Variants in IRAG1 observed in about 807,000 individuals in gnomAD.
IRAG1 encodes the protein inositol 1,4,5-triphosphate receptor associated 1, also known as IP3R-associated cGMP kinase substrate.
A neutral mutation model predicts 106.2 loss-of-function variants in IRAG1; 62 were observed. The ratio of observed to expected loss-of-function variants is 0.58; its 90% CI spans 0.48 to 0.72. The LOEUF (loss-of-function observed/expected upper bound fraction) is 0.72, where lower values mean the gene tolerates loss of function less well. Ranked by LOEUF, IRAG1 falls within the 30% of genes least tolerant of loss-of-function variation. The pLI is 0.00. For synonymous variants in IRAG1, 462 were observed against 443.9 expected (o/e 1.04, Z -0.51); for missense variants, 1,064 against 1,140.7 (o/e 0.93, Z 0.97).
chr11:10,602,257 A>G (rs1404247675), intron 14 of IRAG1, among the ~76,000 whole-genome samples: 2 of 152,260 alleles, frequency 1.3e-5, no homozygotes, highest in African/African-American at 4.8e-5. Context: ...GCACCACCCC[A>G]GGAACCTCCT....
intron 19 of IRAG1, 48 bp downstream of exon 19, chr11:10,581,819 C>T (rs1243007363): frequency 1.3e-6 from 2 of 1,593,578 alleles, no homozygotes; most frequent in East Asian, 4.5e-5. Flanking sequence ...GGGAAGGCAT[C>T]TTCTGAGAAC....
chr11:10,633,975 C>T lies in IRAG1; in HGVS notation c.322G>A (p.Ala108Thr). Reference protein sequence around the residue: ...SPEGETDKNLANRVHSPHKRL... With the variant: ...SPEGETDKNLTNRVHSPHKRL... Reference sequence around the variant, plus strand: ...AGGATCAGGCACCTGTACCTGTTGGCCAGGTTTTTGTCGGTTTCTCCTTCT... The same window carrying T: ...AGGATCAGGCACCTGTACCTGTTGGTCAGGTTTTTGTCGGTTTCTCCTTCT... Residue 108 changes from alanine to threonine, a missense_variant, in exon 3 of 21, where the codon GCC becomes ACC. Transcript: ENST00000423302. 1 of 1,608,770 alleles carries T rather than the reference C, an allele frequency of 6.2e-7. No individual in the cohort carries two copies. The highest frequency in any genetic ancestry group is 8.5e-7 in the Non-Finnish European group (1 of 1,176,330).
rs979348195 is a variant in IRAG1, at chr11:10,659,018, G to A, written c.68-6836C>T. On this transcript the variant is annotated intron_variant, in intron 1 of 20. Transcript: ENST00000423302. This position sits in a 1 kb window ranked among gnomAD's most constrained non-coding sequence, Gnocchi z 4.1. ...GTGCTGTGCTCAGTCCCAGGTCTGT[G>A]CTGTGCTTGCCCCAGATCTGTGCTG... is the stretch of plus-strand genomic sequence containing the variant. Among the ~76,000 whole-genome samples the A allele has an allele frequency of 1.3e-5, 2 of 152,028 alleles. No individual in the cohort carries two copies. The highest frequency in any genetic ancestry group is 4.8e-5 in the African/African-American group (2 of 41,388).
At chr11:10,690,429 G>T in intron 1 of IRAG1, 1 of 1,280,830 alleles carries the variant, frequency 7.8e-7, no homozygotes, top group South Asian at 1.3e-5. Flanking sequence ...CACCTCCCTT[G>T]GAGAAAGCCC....
intron 14 of IRAG1, among the ~76,000 whole-genome samples, chr11:10,602,212 GTCTT>G (rs796230858): frequency 6.6e-5 from 10 of 152,336 alleles, no homozygotes; most frequent in African/African-American, 1.4e-4. Context: ...CCAGCGACAG[GTCTT>G]TCTTTTATTT....
intron 2 of IRAG1, among the ~76,000 whole-genome samples, chr11:10,636,754 T>A (rs542540210): frequency 6.6e-6 from 1 of 152,152 alleles, no homozygotes; most frequent in South Asian, 2.1e-4. Flanking sequence ...GTGAGGGGAG[T>A]TAAAGAAGAC....
In IRAG1 at chr11:10,693,655, C is replaced by G; in HGVS notation, c.-53G>C. On this transcript the variant is annotated 5_prime_UTR_variant, in exon 1 of 21. Coordinates refer to ENST00000423302, the MANE Select transcript of IRAG1 (RefSeq NM_130385.4). ...GAGCTCAGAGCCGAGAAGCCTCTGG[C>G]TGCAGAACCTCGGCCGCACGCCTCC... 1 of 1,530,626 alleles carries G rather than the reference C, an allele frequency of 6.5e-7. No individual in the cohort carries two copies. Among genetic ancestry groups the G allele is most frequent in the Non-Finnish European group, 8.7e-7 (1 of 1,144,104 alleles). 94.8% of individuals were successfully genotyped at this position (1,530,626 alleles called of 1,614,324 possible). A position where few individuals can be genotyped will look rare whatever the true frequency, so the allele number is the denominator to read the frequency against.
chr11:10,687,287 A>C lies in IRAG1; in HGVS notation c.67+6249T>G, dbSNP rs546053653. Among the ~76,000 whole-genome samples, 4 of 152,284 alleles carry C rather than the reference A, an allele frequency of 2.6e-5. No individual in the cohort carries two copies. The East Asian group carries it at 5.8e-4, about 22-fold the overall frequency. ...ACCCCAGAGTGCCACGCTCTTCCAC[A>C]CCAAGAGAATGGCTATCTGATGGTG... On this transcript the variant is annotated intron_variant, in intron 1 of 20. Transcript: ENST00000423302.
chr11:10,624,784 A>G (rs1856108002), intron 9 of IRAG1, among the ~76,000 whole-genome samples: 1 of 151,996 alleles, frequency 6.6e-6, no homozygotes, highest in Admixed American at 6.6e-5. Context: ...GGTAGTGGTT[A>G]GTGACATGGG....
At chr11:10,668,281 G>A (rs1859944490) in intron 1 of IRAG1, among the ~76,000 whole-genome samples, 1 of 152,162 alleles carries the variant, frequency 6.6e-6, no homozygotes, top group South Asian at 2.1e-4. Flanking sequence ...GACTTTCAAT[G>A]TCCTCACAAA....
In IRAG1 at chr11:10,625,976, T is replaced by C. The variant is rs1195108191; in HGVS notation, c.1358A>G (p.Lys453Arg). Residue 453 changes from lysine to arginine, a missense_variant, in exon 9 of 21, where the codon AAG (lysine) becomes AGG (arginine). Transcript: ENST00000423302. ...CCCCCAGGAACCCACCTCTCGGAGC[T>C]TGGTCAGTTTCTGCATCCGCACGGG... ...VQPVRMQKLTKLREEHILMRN... is the reference protein window; with the variant it reads ...VQPVRMQKLTRLREEHILMRN... 1 of 1,479,142 alleles carries C rather than the reference T, an allele frequency of 6.8e-7. No individual in the cohort carries two copies. The highest frequency in any genetic ancestry group is 9.0e-7 in the Non-Finnish European group (1 of 1,114,408). 91.6% of individuals were successfully genotyped at this position (1,479,142 alleles called of 1,614,324 possible).
chr11:10,627,836 G>T, intron 7 of IRAG1, 76 bp from the exon 8 acceptor site: 1 of 1,600,578 alleles, frequency 6.2e-7, no homozygotes, highest in Non-Finnish European at 8.6e-7. Flanking sequence ...CCCCAAGGAG[G>T]CCCCCTAGCA....
chr11:10,575,346 T>G lies in IRAG1; in HGVS notation c.*986A>C, dbSNP rs1850762883. The G allele has an allele frequency of 6.6e-6, 1 of 152,256 alleles. No homozygotes were observed. 9.4% of individuals were successfully genotyped at this position (152,256 alleles called of 1,614,324 possible). On this transcript the variant is annotated 3_prime_UTR_variant, in exon 21 of 21. Transcript: ENST00000423302. ...GAAGCAGAAAGCACATCTTCTCTCC[T>G]CATTCACCTGTGAGGTGGGTTAACT...
intron 2 of IRAG1, among the ~76,000 whole-genome samples, chr11:10,648,963 C>T (rs970445887): frequency 5.3e-5 from 8 of 152,118 alleles, no homozygotes; most frequent in Admixed American, 3.3e-4. Context: ...GGCTGGACCC[C>T]GGGGAGCTGT....
chr11:10,577,035 C>T (rs1187346062), intron 20 of IRAG1, among the ~76,000 whole-genome samples: 3 of 152,274 alleles, frequency 2.0e-5, no homozygotes, highest in South Asian at 2.1e-4. Flanking sequence ...GCCTCAGATG[C>T]GTAATTCATT....
chr11:10,610,202 G>GA (rs1467807470), intron 10 of IRAG1, among the ~76,000 whole-genome samples: 7 of 152,156 alleles, frequency 4.6e-5, no homozygotes, highest in Admixed American at 4.6e-4. Context: ...TAATGTTTGG[G>GA]AAAAAAACCT....
chr11:10,667,121 G>A (rs1303874581), intron 1 of IRAG1, among the ~76,000 whole-genome samples: 3 of 150,404 alleles, frequency 2.0e-5, no homozygotes, highest in African/African-American at 7.3e-5. Flanking sequence ...TATGTTTATA[G>A]AACAGAAGTT....
chr11:10,690,480 G>C, intron 1 of IRAG1: 1 of 1,237,036 alleles, frequency 8.1e-7, no homozygotes, highest in Non-Finnish European at 1.0e-6. Flanking sequence ...ATGGGCGTGA[G>C]TTACCTCTGC....
At chr11:10,623,232 C>T (rs1462247962) in intron 10 of IRAG1, among the ~76,000 whole-genome samples, 2 of 152,098 alleles carry the variant, frequency 1.3e-5, no homozygotes, top group Non-Finnish European at 2.9e-5. Flanking sequence ...GGGGTCAGAA[C>T]CCTACTGAGA....
Sources: allele counts gnomAD v4.1 joint callset (sites outside exome capture counted in the v4.1 genomes callset), GRCh38; gene constraint gnomAD v4.1.1; non-coding constraint Gnocchi (gnomAD v3.1); transcripts MANE v1.5; gene names NCBI Gene and HGNC (gene_info 2026-07-23, HGNC 2026-07-21).